Variants in YBX1 observed in about 807,000 individuals in gnomAD.
The protein encoded by YBX1 is Y-box binding protein 1.
In YBX1, 3 loss-of-function variants were observed where a neutral mutation model predicts 41.4. The ratio of observed to expected loss-of-function variants is 0.07; its 90% CI spans 0.03 to 0.19. The LOEUF (loss-of-function observed/expected upper bound fraction) is 0.19. Among genes scored for constraint, YBX1 ranks in the 10% least tolerant of loss-of-function variants. The pLI is 1.00. For missense variants in YBX1, 274 were observed against 462.8 expected (o/e 0.59, Z 3.74); for synonymous variants, 133 against 165.8 (o/e 0.80, Z 1.52).
chr1:42,696,774 C>G lies in YBX1; in HGVS notation c.487C>G (p.Gln163Glu). 1.4e-5 allele frequency: 23 copies of G among 1,613,728 alleles called. No homozygotes were observed. The highest frequency in any genetic ancestry group is 1.9e-5 in the Non-Finnish European group (23 of 1,179,832). The change falls in exon 5 of 8, where the codon CAG becomes GAG. Residue 163 changes from glutamine to glutamate, a missense_variant. Gln to Glu is a conservative substitution (Grantham distance 29). Around this residue, in one of 3 missense-constraint regions of YBX1, gnomAD observed 187 missense variants for 306.3 expected, o/e 0.61. Transcript: ENST00000321358. The surrounding 1 kb of genome is among the most constrained non-coding windows in gnomAD (Gnocchi z 5.7). Reference protein sequence around the residue: ...GPPRNYQQNYQNSESGEKNEG... With the variant: ...GPPRNYQQNYENSESGEKNEG... ...TCCACGCAATTACCAGCAAAATTACCAGAATAGTGAGAGTGGGGAAAAGAA... is the reference window on the plus strand; with the variant it reads ...TCCACGCAATTACCAGCAAAATTACGAGAATAGTGAGAGTGGGGAAAAGAA...
rs1650455221 is a variant in YBX1 at position 42,696,205 on chromosome 1, A to G, written c.271A>G (p.Ile91Val). The change falls in exon 4 of 8, where the codon ATA becomes GTA. Residue 91 changes from isoleucine (I) to valine (V), a missense_variant. This residue lies in a region of YBX1 where 3 missense variants were observed against 25.7 expected (regional missense o/e 0.12). Coordinates refer to ENST00000321358, the MANE Select transcript of YBX1 (RefSeq NM_004559.5). The surrounding 1 kb of genome is among the most constrained non-coding windows in gnomAD (Gnocchi z 5.7). ...TGGAATGTGATATTACTAGACTGCC[A>G]TAAAGAAGAATAACCCCAGGAAGTA... ...KEDVFVHQTAIKKNNPRKYLR... is the reference protein window; with the variant it reads ...KEDVFVHQTAVKKNNPRKYLR... 1.2e-6 allele frequency: 2 copies of G among 1,609,294 alleles called. No individual in the cohort carries two copies. Among genetic ancestry groups the G allele is most frequent in the East Asian group, 2.2e-5 (1 of 44,796 alleles).
chr1:42,699,073 A>G (rs1360126685), intron 6 of YBX1, among the ~76,000 whole-genome samples: 1 of 152,232 alleles, frequency 6.6e-6, no homozygotes, highest in Non-Finnish European at 1.5e-5. Flanking sequence ...TTGTTGAGAA[A>G]TAACATTTAT....
chr1:42,692,074 A>T (rs1170129422), intron 2 of YBX1, among the ~76,000 whole-genome samples: 1 of 151,816 alleles, frequency 6.6e-6, no homozygotes, highest in East Asian at 1.9e-4. Flanking sequence ...CTGATCTTGA[A>T]CTCTTGGCCT....
chr1:42,700,939 G>T lies in YBX1; in HGVS notation c.899G>T (p.Gly300Val). The change falls in exon 7 of 8, where the codon GGC becomes GTC. Residue 300 changes from glycine (G) to valine (V), a missense_variant. Gly to Val is a moderately radical substitution (Grantham distance 109). Around this residue, in one of 3 missense-constraint regions of YBX1, gnomAD observed 187 missense variants for 306.3 expected, o/e 0.61. Coordinates refer to ENST00000321358, the MANE Select transcript of YBX1 (RefSeq NM_004559.5). ...CCAGAAAACCCTAAACCACAAGATG[G>T]CAAAGAGACAAAAGCAGCCGATCCA... The part of the protein sequence containing the change: ...RRPENPKPQD[G>V]KETKAADPPA... The T allele has an allele frequency of 6.2e-7, 1 of 1,614,050 alleles. No individual in the cohort carries two copies. The highest frequency in any genetic ancestry group is 2.2e-5 in the East Asian group (1 of 44,874).
At chr1:42,683,551 A>G (rs1028157245) in intron 2 of YBX1, 85 bp downstream of exon 2, 32 of 1,497,114 alleles carry the variant, frequency 2.1e-5, no homozygotes, top group African/African-American at 6.9e-5. Context: ...GGAAGCCCCA[A>G]TCCACAGCTC....
intron 1 of YBX1, chr1:42,683,138 C>G (rs1650093701): frequency 1.6e-6 from 1 of 629,594 alleles, no homozygotes; most frequent in South Asian, 1.6e-5. Context: ...TTCCCCTTCC[C>G]TCACGTGCTC....
At chr1:42,690,047 T>C (rs1650291793) in intron 2 of YBX1, among the ~76,000 whole-genome samples, 1 of 152,084 alleles carries the variant, frequency 6.6e-6, no homozygotes, top group South Asian at 2.1e-4. Flanking sequence ...CAGCTGTTAA[T>C]AGTTGAGTCA....
At chr1:42,692,421 T>G (rs982897839) in intron 2 of YBX1, among the ~76,000 whole-genome samples, 13 of 152,204 alleles carry the variant, frequency 8.5e-5, no homozygotes, top group African/African-American at 2.9e-4. Context: ...TCACTTGCCT[T>G]AAGTCGCTTT....
chr1:42,682,846 C>A, intron 1 of YBX1, 115 bp downstream of exon 1: 2 of 556,690 alleles, frequency 3.6e-6, no homozygotes, highest in Non-Finnish European at 5.1e-6. Flanking sequence ...CTCCGCGGCG[C>A]GCGGCCGCCC....
At chr1:42,685,292 A>T (rs1650166557) in intron 2 of YBX1, among the ~76,000 whole-genome samples, 3 of 152,180 alleles carry the variant, frequency 2.0e-5, no homozygotes, top group African/African-American at 7.2e-5. Context: ...GAATCAACTC[A>T]ATTGGTCATC....
At chr1:42,688,601 C>T (rs945942816) in intron 2 of YBX1, among the ~76,000 whole-genome samples, 1 of 152,188 alleles carries the variant, frequency 6.6e-6, no homozygotes, top group African/African-American at 2.4e-5. Flanking sequence ...CAGTTTATCT[C>T]TCCAGTAAAT....
At chr1:42,693,577 A>C in intron 3 of YBX1, 54 bp downstream of exon 3, 1 of 1,589,652 alleles carries the variant, frequency 6.3e-7, no homozygotes, top group Non-Finnish European at 8.6e-7. Context: ...TAAGAAGAAA[A>C]GGTTAGATAT....
intron 2 of YBX1, 76 bp downstream of exon 2, chr1:42,683,542 G>A: frequency 1.3e-6 from 2 of 1,536,012 alleles, no homozygotes. Flanking sequence ...CGGGGCTTGG[G>A]AAGCCCCAAT....
At position 42,702,844 on chromosome 1, in the gene YBX1, A is replaced by G. The variant is rs1244760152; in HGVS notation, c.*895A>G. 1.3e-5 allele frequency among the ~76,000 whole-genome samples: 2 copies of G among 152,228 alleles called. No individual in the cohort carries two copies. The highest frequency in any genetic ancestry group is 2.9e-5 in the Non-Finnish European group (2 of 68,042). Reference sequence around the variant, plus strand: ...GATGGAAACAAGTAATATAAAACCCATGGGAAAGCTGCTTAGGAACATGGA... The same window carrying G: ...GATGGAAACAAGTAATATAAAACCCGTGGGAAAGCTGCTTAGGAACATGGA... On this transcript the variant is annotated 3_prime_UTR_variant, in exon 8 of 8. Coordinates refer to ENST00000321358, the MANE Select transcript of YBX1 (RefSeq NM_004559.5).
chr1:42,694,033 T>TG (rs946750226), intron 3 of YBX1, among the ~76,000 whole-genome samples: 27 of 146,664 alleles, frequency 1.8e-4, no homozygotes, highest in Middle Eastern at 3.5e-3. Flanking sequence ...GGTATTGGGT[T>TG]TTTTTTTTTT....
At chr1:42,694,198 G>A (rs1650405896) in intron 3 of YBX1, among the ~76,000 whole-genome samples, 1 of 152,062 alleles carries the variant, frequency 6.6e-6, no homozygotes, top group Non-Finnish European at 1.5e-5. Context: ...TGTTAACATA[G>A]GATGAGTACT....
rs556088753 is a variant in YBX1, at chr1:42,693,646, G to A, written c.264+123G>A. The A allele has an allele frequency of 3.5e-4, 326 of 928,644 alleles. No individual in the cohort carries two copies. In the African/African-American group the frequency reaches 5.0e-3, roughly 14 times the overall value. The allele number at this position is 928,644 out of a possible 1,614,324, so 57.5% of individuals were successfully genotyped here. A position where few individuals can be genotyped will look rare whatever the true frequency, so the allele number is the denominator to read the frequency against. On this transcript the variant is annotated intron_variant, in intron 3 of 7. Transcript: ENST00000321358. ...TCCAACCACCAGTTTATTTACTTAC[G>A]ACAGGAGTAGTAGCATGCTTAAAAA... is the stretch of plus-strand genomic sequence containing the variant.
At chr1:42,698,570 A>C (rs1176733835) in intron 6 of YBX1, among the ~76,000 whole-genome samples, 1 of 152,174 alleles carries the variant, frequency 6.6e-6, no homozygotes, top group African/African-American at 2.4e-5. Flanking sequence ...TGTTTTGCCT[A>C]GTTTCATTGA....
At chr1:42,697,909 C>T (rs901764499) in intron 6 of YBX1, among the ~76,000 whole-genome samples, 3 of 152,096 alleles carry the variant, frequency 2.0e-5, no homozygotes, top group African/African-American at 7.2e-5. Flanking sequence ...CCCAGTCCCA[C>T]GGTGGTAGGA....
Sources: gnomAD v4.1 joint callset for allele counts (sites outside exome capture counted in the v4.1 genomes callset) on GRCh38, gnomAD v4.1.1 for gene constraint, gnomAD v4.1.1 regional missense constraint, Gnocchi (gnomAD v3.1) non-coding constraint, MANE v1.5 for transcripts, NCBI Gene and HGNC (gene_info 2026-07-23, HGNC 2026-07-21) for gene names.